IQCH: variants seen among roughly 807,000 people sequenced by gnomAD.
IQCH encodes IQ domain-containing protein H.
IQCH carries 98 observed loss-of-function variants against 117.0 expected under a neutral mutation model. The ratio of observed to expected loss-of-function variants is 0.84; its 90% CI spans 0.71 to 0.99. The LOEUF (loss-of-function observed/expected upper bound fraction) is 0.99. Among genes scored for constraint, IQCH ranks in the 50% least tolerant of loss-of-function variants. IQCH has a pLI of 0.00. For missense variants in IQCH, 1,102 were observed against 1,243.8 expected, an observed-to-expected ratio of 0.89 and a Z score of 1.72; for synonymous variants, 412 against 448.2, an observed-to-expected ratio of 0.92 and a Z score of 1.02.
At chr15:67,338,837 C>T (rs1414966398) in intron 5 of IQCH, among the ~76,000 whole-genome samples, 1 of 152,156 alleles carries the variant, frequency 6.6e-6, no homozygotes, top group African/African-American at 2.4e-5. Context: ...ATCTGGCCCT[C>T]ACCTACATCT....
chr15:67,307,610 G>A (rs557111711), intron 4 of IQCH, among the ~76,000 whole-genome samples: 7 of 152,158 alleles, frequency 4.6e-5, no homozygotes, highest in African/African-American at 1.7e-4. Context: ...AACATAATTT[G>A]GCAACGGTAG....
rs773226631 is a variant in IQCH at position 67,395,567 on chromosome 15, T to TGTG, written c.1905+6_1905+8dup. On this transcript the variant is annotated splice_donor_region_variant and intron_variant, in intron 13 of 20. Coordinates refer to ENST00000335894, the MANE Select transcript of IQCH (RefSeq NM_001031715.3). This position sits in a 1 kb window ranked among gnomAD's most constrained non-coding sequence, Gnocchi z 4.0. ...TGATATTTATAGTCAGCAACAGGTA[T>TGTG]GTGGGGTGGACAAGTGAAGCTCTGT... 1 of 1,612,924 alleles carries TGTG rather than the reference T, an allele frequency of 6.2e-7. No homozygotes were observed. The highest frequency in any genetic ancestry group is 8.5e-7 in the Non-Finnish European group (1 of 1,179,148).
intron 3 of IQCH, among the ~76,000 whole-genome samples, chr15:67,268,856 G>C (rs1003643102): frequency 6.6e-6 from 1 of 152,070 alleles, no homozygotes; most frequent in Non-Finnish European, 1.5e-5. Context: ...AGGGGCATTC[G>C]CATGCTCACT....
chr15:67,281,593 CG>C (rs1297655680), intron 4 of IQCH: 2 of 410,156 alleles, frequency 4.9e-6, no homozygotes, highest in Non-Finnish European at 9.7e-6. Flanking sequence ...TCTTTTCAGT[CG>C]TTTAAAGGTA....
At chr15:67,352,923 G>A (rs1172566344) in intron 6 of IQCH, among the ~76,000 whole-genome samples, 1 of 152,118 alleles carries the variant, frequency 6.6e-6, no homozygotes, top group East Asian at 1.9e-4. Context: ...TAAGGTGGGT[G>A]GATCACGAGG....
At chr15:67,414,683 AAT>A (rs929035784) in intron 14 of IQCH, among the ~76,000 whole-genome samples, 6 of 148,918 alleles carry the variant, frequency 4.0e-5, no homozygotes, top group African/African-American at 1.2e-4. Flanking sequence ...TATATAATAT[AAT>A]ATATATATGT....
intron 15 of IQCH, among the ~76,000 whole-genome samples, chr15:67,420,418 C>T (rs549773539): frequency 2.6e-5 from 4 of 152,274 alleles, no homozygotes; most frequent in Admixed American, 1.3e-4. Context: ...AGGTTCTAGA[C>T]GGCACCCTAT....
chr15:67,439,888 CAAAAAAAA>C (rs201813482), intron 16 of IQCH, among the ~76,000 whole-genome samples: 1 of 83,968 alleles, frequency 1.2e-5, no homozygotes, highest in African/African-American at 3.8e-5. Flanking sequence ...AACTCCGTCT[CAAAAAAAA>C]AAAAAAAAAA....
intron 6 of IQCH, among the ~76,000 whole-genome samples, chr15:67,350,320 CAATG>C (rs760628893): frequency 1.3e-5 from 2 of 152,234 alleles, no homozygotes; most frequent in Non-Finnish European, 2.9e-5. Context: ...GAAAATGAAA[CAATG>C]AAGACAGAAA....
In IQCH at chr15:67,501,460, T is replaced by G. The variant is rs2083977952; in HGVS notation, c.*714T>G. The G allele has an allele frequency of 6.6e-6, 1 of 152,208 alleles. No individual in the cohort carries two copies. 9.4% of individuals were successfully genotyped at this position (152,208 alleles called of 1,614,324 possible). A position where few individuals can be genotyped will look rare whatever the true frequency, so the allele number is the denominator to read the frequency against. On this transcript the variant is annotated 3_prime_UTR_variant, in exon 21 of 21. Transcript: ENST00000335894. This position sits in a 1 kb window ranked among gnomAD's most constrained non-coding sequence, Gnocchi z 5.2. ...ACATTTGTATTCTCTAGTTCTCCAT[T>G]TAATACAGCAGTAGGATTTTTTCAA...
chr15:67,301,854 ATTATC>A (rs1428433721), intron 4 of IQCH, among the ~76,000 whole-genome samples: 1 of 152,174 alleles, frequency 6.6e-6, no homozygotes, highest in Non-Finnish European at 1.5e-5. Context: ...ATATTTTAAA[ATTATC>A]TTTTAACCTC....
rs2082016093 is a variant in IQCH, at chr15:67,431,332, C to T, written c.2505+9755C>T. Among the ~76,000 whole-genome samples, 1 of 152,134 alleles carries T rather than the reference C, an allele frequency of 6.6e-6. No homozygotes were observed. The highest frequency in any genetic ancestry group is 6.5e-5 in the Admixed American group (1 of 15,280). ...AGAACAAGATCATGTCCTGCATTTGCAGGGACATGGATGTAGCTGGAGGTC... is the reference window on the plus strand; with the variant it reads ...AGAACAAGATCATGTCCTGCATTTGTAGGGACATGGATGTAGCTGGAGGTC... On this transcript the variant is annotated intron_variant, in intron 16 of 20. Coordinates refer to ENST00000335894, the MANE Select transcript of IQCH (RefSeq NM_001031715.3). This position sits in a 1 kb window ranked among gnomAD's most constrained non-coding sequence, Gnocchi z 4.8.
In IQCH at chr15:67,366,408, A is replaced by T. The variant is rs369764343; in HGVS notation, c.754-5703A>T. 2.0e-5 allele frequency among the ~76,000 whole-genome samples: 3 copies of T among 152,214 alleles called. No individual in the cohort carries two copies. Among genetic ancestry groups the T allele is most frequent in the Non-Finnish European group, 4.4e-5 (3 of 68,022 alleles). On this transcript the variant is annotated intron_variant, in intron 8 of 20. Coordinates refer to ENST00000335894, the MANE Select transcript of IQCH (RefSeq NM_001031715.3). This position sits in a 1 kb window ranked among gnomAD's most constrained non-coding sequence, Gnocchi z 4.4. ...CTATTTACAAAATCTTCTTGATTCT[A>T]TTCTGTTTGATCTTCAACCAGATTT...
intron 3 of IQCH, among the ~76,000 whole-genome samples, chr15:67,276,960 A>G (rs1966149937): frequency 1.3e-5 from 2 of 152,100 alleles, no homozygotes; most frequent in Admixed American, 6.5e-5. Context: ...AGTATGTCAC[A>G]CTGTTTATAA....
At position 67,261,286 on chromosome 15, in the gene IQCH, T is replaced by G; in HGVS notation, c.66T>G (p.Leu22=). 6.5e-7 allele frequency: 1 copy of G among 1,548,100 alleles called. No homozygotes were observed. Residue 22 remains leucine (L), a synonymous_variant, in exon 2 of 21, where the codon CTT becomes CTG. Coordinates refer to ENST00000335894, the MANE Select transcript of IQCH (RefSeq NM_001031715.3). ...GSILIQIHED[L]YQLKEKLTKF... ...TATACCTATAGATCCATGAAGACCT[T>G]TATCAGTTAAAGGAGAAATTAACAA... is the stretch of plus-strand genomic sequence containing the variant.
rs553879376 is a variant in IQCH at position 67,449,051 on chromosome 15, G to A, written c.2506-16076G>A. 8.7e-4 allele frequency among the ~76,000 whole-genome samples: 110 copies of A among 126,512 alleles called. 2 individuals carry two copies. In the East Asian group the frequency reaches 0.019, roughly 22 times the overall value. 83.0% of individuals were successfully genotyped at this position (126,512 alleles called of 152,430 possible). On this transcript the variant is annotated intron_variant, in intron 16 of 20. Coordinates refer to ENST00000335894, the MANE Select transcript of IQCH (RefSeq NM_001031715.3). The stretch of plus-strand genomic sequence containing the variant: ...TGAGAAGTGTCTGTTCATATCCTTC[G>A]CCCACTTTTTGATGGGGTTGTTTGT...
intron 4 of IQCH, among the ~76,000 whole-genome samples, chr15:67,302,579 T>C (rs1277043476): frequency 6.6e-6 from 1 of 151,932 alleles, no homozygotes; most frequent in Non-Finnish European, 1.5e-5. Context: ...ATGCTATTGG[T>C]CGACTACAGT....
intron 16 of IQCH, among the ~76,000 whole-genome samples, chr15:67,429,343 T>G (rs1457935163): frequency 6.6e-6 from 1 of 152,042 alleles, no homozygotes; most frequent in African/African-American, 2.4e-5. Flanking sequence ...GCAAAACCCT[T>G]GTCTCTACAA....
chr15:67,340,589 G>A (rs6494650), intron 5 of IQCH, among the ~76,000 whole-genome samples: 68,903 of 151,932 alleles, frequency 0.45, 16,112 homozygotes, highest in Non-Finnish European at 0.52. Flanking sequence ...CTGAAACTAT[G>A]TAAATTACTA....
Sources: gnomAD v4.1 joint callset for allele counts (sites outside exome capture counted in the v4.1 genomes callset) on GRCh38, gnomAD v4.1.1 for gene constraint, Gnocchi (gnomAD v3.1) non-coding constraint, MANE v1.5 for transcripts, NCBI Gene and HGNC (gene_info 2026-07-23, HGNC 2026-07-21) for gene names.